The following DMD variants were observed in gnomAD, a reference collection of about 807,000 sequenced individuals.
The protein encoded by DMD is mutant dystrophin.
In DMD, 63 loss-of-function variants were observed where a neutral mutation model predicts 330.1. The ratio of observed to expected loss-of-function variants is 0.19; its 90% CI spans 0.16 to 0.24. The LOEUF (loss-of-function observed/expected upper bound fraction) is 0.24. DMD is among the 10% of genes least tolerant of loss of function. The pLI, the probability that DMD is intolerant of heterozygous loss-of-function variation, is 1.00. For synonymous variants in DMD, 1,223 were observed against 959.8 expected, an observed-to-expected ratio of 1.27 and a Z score of -5.07; for missense variants, 3,344 against 2,684.1, an observed-to-expected ratio of 1.25 and a Z score of -5.43.
intron 60 of DMD, among the ~76,000 whole-genome samples, chrX:31,373,793 T>A (rs1434216307): frequency 9.1e-6 from 1 of 109,831 alleles, no homozygotes; most frequent in East Asian, 2.9e-4. Flanking sequence ...CCAAAAGCAA[T>A]GGCAACAAAA....
chrX:31,830,379 G>T (rs896135145), intron 49 of DMD, among the ~76,000 whole-genome samples: 1 of 112,465 alleles, frequency 8.9e-6, no homozygotes, highest in African/African-American at 3.2e-5. Flanking sequence ...CTGATCACCT[G>T]AGGTCGGGAG....
chrX:32,040,282 A>C, intron 44 of DMD, among the ~76,000 whole-genome samples: 1 of 110,995 alleles, frequency 9.0e-6, no homozygotes, highest in East Asian at 2.9e-4. Context: ...GTGTGCTTAC[A>C]ATCCCCACTA....
chrX:31,210,139 G>C (rs762952973), intron 64 of DMD, among the ~76,000 whole-genome samples: 1 of 111,781 alleles, frequency 8.9e-6, no homozygotes, highest in South Asian at 3.7e-4. Context: ...GTATGGCTAA[G>C]GTTGTGTAAA....
intron 9 of DMD, among the ~76,000 whole-genome samples, chrX:32,692,427 C>T (rs1016211126): frequency 9.0e-6 from 1 of 111,354 alleles, no homozygotes; most frequent in African/African-American, 3.3e-5. Context: ...TGGCTGGCTT[C>T]CCATCCTCTG....
intron 16 of DMD, among the ~76,000 whole-genome samples, chrX:32,551,563 C>T (rs1331118463): frequency 1.8e-5 from 2 of 111,680 alleles, no homozygotes; most frequent in African/African-American, 6.5e-5. Flanking sequence ...AAGCATTGTG[C>T]TTGAAAACTG....
At chrX:32,978,894 T>TA in intron 2 of DMD, among the ~76,000 whole-genome samples, 1 of 112,595 alleles carries the variant, frequency 8.9e-6, no homozygotes, top group Non-Finnish European at 1.9e-5. Flanking sequence ...GAACTCATTG[T>TA]AACTATGGCC....
chrX:32,774,275 A>G (rs2073927315), intron 7 of DMD, among the ~76,000 whole-genome samples: 1 of 112,096 alleles, frequency 8.9e-6, no homozygotes, highest in Non-Finnish European at 1.9e-5. Context: ...CTAAGACCGG[A>G]GGGAAAGAAA....
At chrX:31,695,097 A>T (rs2083372471) in intron 52 of DMD, among the ~76,000 whole-genome samples, 1 of 111,597 alleles carries the variant, frequency 9.0e-6, no homozygotes, top group Non-Finnish European at 1.9e-5. Context: ...AATAAAAAAG[A>T]ATTATATCCT....
At chrX:32,783,828 C>T (rs1472651711) in intron 7 of DMD, among the ~76,000 whole-genome samples, 3 of 110,819 alleles carry the variant, frequency 2.7e-5, no homozygotes, top group East Asian at 5.6e-4. Context: ...GAGGCACAGT[C>T]GTATTCTTAA....
At chrX:31,855,801 C>A (rs751215523) in intron 48 of DMD, among the ~76,000 whole-genome samples, 4 of 111,313 alleles carry the variant, frequency 3.6e-5, no homozygotes, top group African/African-American at 6.5e-5. Flanking sequence ...CAGGAAACAG[C>A]AAATATATGG....
intron 1 of DMD, among the ~76,000 whole-genome samples, chrX:33,314,837 A>G (rs1414249686): frequency 9.3e-6 from 1 of 107,719 alleles, no homozygotes; most frequent in Non-Finnish European, 1.9e-5. Flanking sequence ...CTTTTTTTTG[A>G]TACGGAGTTT....
At chrX:32,380,035 G>A (rs1423189080) in intron 34 of DMD, among the ~76,000 whole-genome samples, 2 of 111,417 alleles carry the variant, frequency 1.8e-5, no homozygotes, top group African/African-American at 3.3e-5. Context: ...GAGTCGCTGT[G>A]TCATTTGGTG....
intron 63 of DMD, among the ~76,000 whole-genome samples, chrX:31,228,457 G>C (rs997430386): frequency 9.1e-6 from 1 of 110,199 alleles, no homozygotes; most frequent in Non-Finnish European, 1.9e-5. Context: ...GTGTTGCTAG[G>C]AGTCTGCAGC....
chrX:31,543,718 CTT>C (rs2073982786), intron 55 of DMD, among the ~76,000 whole-genome samples: 1 of 111,856 alleles, frequency 8.9e-6, no homozygotes, highest in Non-Finnish European at 1.9e-5. Context: ...GAAAAAAAGA[CTT>C]GATGACAGAT....
chrX:33,206,707 A>G (rs1172649087), intron 1 of DMD, among the ~76,000 whole-genome samples: 2 of 111,381 alleles, frequency 1.8e-5, no homozygotes, highest in African/African-American at 6.5e-5. Flanking sequence ...GTGATATCAG[A>G]TTAAAATAAA....
chrX:32,066,062 T>G (rs934615607), intron 44 of DMD, among the ~76,000 whole-genome samples: 10 of 111,725 alleles, frequency 9.0e-5, no homozygotes, highest in Non-Finnish European at 1.9e-5. Flanking sequence ...TTTCTTGCCA[T>G]GTCCCTCTTC....
Position 33,009,966 on chromosome X carries a change from A to ATGTGTG in DMD, c.93+10172_93+10173insCACACA, listed in dbSNP as rs1491271634. 2.0e-4 allele frequency among the ~76,000 whole-genome samples: 12 copies of ATGTGTG among 60,463 alleles called. 2 individuals carry two copies. Among genetic ancestry groups the ATGTGTG allele is most frequent in the African/African-American group, 3.4e-4 (5 of 14,629 alleles). The allele number at this position is 60,463 out of a possible 115,157, so 52.5% of individuals were successfully genotyped here. A position where few individuals can be genotyped will look rare whatever the true frequency, so the allele number is the denominator to read the frequency against. ...TACACGTGTGTATGTGTATATACAC[A>ATGTGTG]TATGTGTGTATACACATGTGTGTAT... On this transcript the variant is annotated intron_variant, in intron 2 of 78. Transcript: ENST00000357033.
chrX:31,874,635 G>A (rs2093940964), intron 48 of DMD, among the ~76,000 whole-genome samples: 1 of 111,122 alleles, frequency 9.0e-6, no homozygotes, highest in Admixed American at 9.6e-5. Context: ...CAACAATGAT[G>A]ATGATGACAA....
intron 51 of DMD, among the ~76,000 whole-genome samples, chrX:31,747,055 C>A (rs1244582080): frequency 9.0e-6 from 1 of 111,138 alleles, no homozygotes; most frequent in Non-Finnish European, 1.9e-5. Flanking sequence ...AAAATCTGCC[C>A]TTGATTGGGT....
Sources: allele counts gnomAD v4.1 joint callset (sites outside exome capture counted in the v4.1 genomes callset), GRCh38; gene constraint gnomAD v4.1.1; transcripts MANE v1.5; gene names NCBI Gene and HGNC (gene_info 2026-07-23, HGNC 2026-07-21).